The following CUBN variants were observed in gnomAD, a reference collection of about 807,000 sequenced individuals.
The protein encoded by CUBN is cubilin, also known as 460 kDa receptor.
In CUBN, 282 loss-of-function variants were observed where a neutral mutation model predicts 405.3. That is an observed-to-expected ratio of 0.70 (90% CI 0.63 to 0.77). The LOEUF (loss-of-function observed/expected upper bound fraction) is 0.77, where lower values mean the gene tolerates loss of function less well. Ranked by LOEUF, CUBN falls within the 30% of genes least tolerant of loss-of-function variation. CUBN has a pLI of 0.00. For missense variants in CUBN, 4,514 were observed against 4,475.2 expected (o/e 1.01, Z -0.25); for synonymous variants, 1,684 against 1,617.0 (o/e 1.04, Z -0.99).
intron 53 of CUBN, among the ~76,000 whole-genome samples, chr10:16,899,908 T>C (rs576191304): frequency 1.9e-4 from 29 of 152,334 alleles, no homozygotes; most frequent in African/African-American, 6.3e-4. Flanking sequence ...CCAGAAATAA[T>C]TGTCTTGTGT....
At chr10:16,944,958 A>C (rs1842737602) in intron 36 of CUBN, among the ~76,000 whole-genome samples, 1 of 152,212 alleles carries the variant, frequency 6.6e-6, no homozygotes, top group South Asian at 2.1e-4. Context: ...TTTAAATTTG[A>C]CATCTTCTTT....
chr10:16,983,981 A>G, intron 30 of CUBN, 124 bp downstream of exon 30: 1 of 1,035,266 alleles, frequency 9.7e-7, no homozygotes, highest in Non-Finnish European at 1.5e-6. Context: ...AGGTCTCAGT[A>G]GGCTGCCCTT....
intron 17 of CUBN, among the ~76,000 whole-genome samples, chr10:17,077,159 G>T (rs931216964): frequency 6.6e-5 from 10 of 152,152 alleles, no homozygotes; most frequent in African/African-American, 2.4e-4. Flanking sequence ...CACGGACCAG[G>T]TTCAGATTTC....
intron 6 of CUBN, among the ~76,000 whole-genome samples, chr10:17,118,657 G>A (rs576136616): frequency 1.3e-5 from 2 of 152,188 alleles, no homozygotes; most frequent in South Asian, 2.1e-4. Flanking sequence ...GGCTGGTCTC[G>A]AACTCCTGAC....
intron 10 of CUBN, among the ~76,000 whole-genome samples, chr10:17,106,702 C>T (rs75285215): frequency 0.012 from 1,796 of 151,968 alleles, 17 homozygotes; most frequent in Non-Finnish European, 0.017. Context: ...CACACACACA[C>T]AGCTAGAATG....
At chr10:17,056,614 A>T (rs1588615529) in intron 22 of CUBN, among the ~76,000 whole-genome samples, 2 of 152,200 alleles carry the variant, frequency 1.3e-5, no homozygotes, top group South Asian at 2.1e-4. Flanking sequence ...GTCTCAAAAA[A>T]AAAACAACTT....
At chr10:16,983,924 CTTAGGAAGTTAAACTTTATCACGTATT>C (rs1384437358) in intron 30 of CUBN, among the ~76,000 whole-genome samples, 154 bp downstream of exon 30, 1 of 152,168 alleles carries the variant, frequency 6.6e-6, no homozygotes, top group Non-Finnish European at 1.5e-5. Flanking sequence ...TGTGGTGACC[CTTAGGAAGTTAAACTTTATCACGTATT>C]TTAGGGAAGG....
intron 54 of CUBN, among the ~76,000 whole-genome samples, chr10:16,894,428 T>A (rs1190551406): frequency 6.6e-6 from 1 of 152,182 alleles, no homozygotes; most frequent in African/African-American, 2.4e-5. Flanking sequence ...TGCCTGTGGA[T>A]GTTCAATTGC....
chr10:16,849,549 A>C lies in CUBN; in HGVS notation c.9663+1686T>G, dbSNP rs114873991. Among the ~76,000 whole-genome samples the C allele has an allele frequency of 3.2e-3, 487 of 152,310 alleles. 8 individuals carry two copies. The highest frequency in any genetic ancestry group is 0.011 in the African/African-American group (472 of 41,564). ...ACACTGTTATTTTTCTGGCCTCCCA[A>C]CCTTAGCCCCTTTCATAGTAAAAAC... On this transcript the variant is annotated intron_variant, in intron 60 of 66. Transcript: ENST00000377833.
intron 38 of CUBN, 150 bp downstream of exon 38, chr10:16,938,813 T>C: frequency 4.4e-6 from 3 of 681,158 alleles, no homozygotes; most frequent in Non-Finnish European, 2.6e-6. Flanking sequence ...CCTTTGTCCA[T>C]GTAATCTAGA....
intron 66 of CUBN, among the ~76,000 whole-genome samples, chr10:16,827,564 AAC>A (rs1270543670): frequency 2.0e-5 from 3 of 152,206 alleles, no homozygotes; most frequent in Non-Finnish European, 2.9e-5. Flanking sequence ...AAAAATCAGA[AAC>A]AGATACCCGC....
intron 66 of CUBN, among the ~76,000 whole-genome samples, chr10:16,827,506 C>T (rs1402815023): frequency 6.6e-6 from 1 of 152,160 alleles, no homozygotes; most frequent in Non-Finnish European, 1.5e-5. Context: ...CCAGCTGATA[C>T]AGTTCTCTGT....
Position 16,984,277 on chromosome 10 carries a change from G to A in CUBN, c.4353C>T (p.Ile1451=), listed in dbSNP as rs898486778. ...HSRCNFDVLE[I]YGGPDFHSPR... ...GAGAGTGGAAATCGGGGCCTCCATAGATCTAACATGGGATGTAGGAAAAAA... is the reference window on the plus strand; with the variant it reads ...GAGAGTGGAAATCGGGGCCTCCATAAATCTAACATGGGATGTAGGAAAAAA... Residue 1451 remains isoleucine, a splice_region_variant and synonymous_variant, in exon 30 of 67, where the codon ATC becomes ATT. Transcript: ENST00000377833. 1 of 1,613,846 alleles carries A rather than the reference G, an allele frequency of 6.2e-7. No homozygotes were observed. The highest frequency in any genetic ancestry group is 1.3e-5 in the African/African-American group (1 of 75,032).
chr10:16,865,857 C>A (rs1456539362), intron 59 of CUBN, among the ~76,000 whole-genome samples: 1 of 152,164 alleles, frequency 6.6e-6, no homozygotes, highest in East Asian at 1.9e-4. Flanking sequence ...CTACCGCTCA[C>A]TCTTTGGGTC....
intron 53 of CUBN, among the ~76,000 whole-genome samples, chr10:16,899,870 A>T (rs1841305402): frequency 6.6e-6 from 1 of 152,230 alleles, no homozygotes; most frequent in African/African-American, 2.4e-5. Context: ...CTCAGTCAAC[A>T]AAGAGCTTCA....
chr10:16,920,277 C>A (rs1181447472), intron 43 of CUBN, 140 bp from the exon 44 acceptor site: 2 of 939,878 alleles, frequency 2.1e-6, no homozygotes, highest in African/African-American at 1.6e-5. Context: ...TTTTCTTTTC[C>A]AGCAAACAAA....
intron 29 of CUBN, among the ~76,000 whole-genome samples, chr10:16,988,439 A>T (rs540106477): frequency 6.6e-6 from 1 of 152,300 alleles, no homozygotes; most frequent in African/African-American, 2.4e-5. Flanking sequence ...CCTTCCGTGA[A>T]GACTTTCCAG....
At chr10:17,027,960 C>T (rs1459327330) in intron 27 of CUBN, among the ~76,000 whole-genome samples, 1 of 151,966 alleles carries the variant, frequency 6.6e-6, no homozygotes, top group African/African-American at 2.4e-5. Flanking sequence ...ACACCATGTA[C>T]CCCATAATAT....
In CUBN at chr10:16,831,262, T is replaced by C; in HGVS notation, c.10518A>G (p.Ser3506=). The C allele has an allele frequency of 1.2e-6, 2 of 1,614,118 alleles. No homozygotes were observed. The highest frequency in any genetic ancestry group is 1.1e-5 in the South Asian group (1 of 91,088). ...SDRGYEIIWT[S]SPSGCGGTLY... The stretch of plus-strand genomic sequence containing the variant: ...GTGCAAATGTCTTACCAGAGGGTGA[T>C]GAAGTCCAGATGATTTCATATCCAC... The change falls in exon 65 of 67, where the codon TCA becomes TCG. Residue 3506 remains serine, a synonymous_variant. Coordinates refer to ENST00000377833, the MANE Select transcript of CUBN (RefSeq NM_001081.4).
Sources: gnomAD v4.1 joint callset for allele counts (sites outside exome capture counted in the v4.1 genomes callset) on GRCh38, gnomAD v4.1.1 for gene constraint, MANE v1.5 for transcripts, NCBI Gene and HGNC (gene_info 2026-07-23, HGNC 2026-07-21) for gene names.